The following ST6GALNAC5 variants were observed in gnomAD, a reference collection of about 807,000 sequenced individuals.
The protein encoded by ST6GALNAC5 is alpha-N-acetylgalactosaminide alpha-2,6-sialyltransferase 5.
A neutral mutation model predicts 33.6 loss-of-function variants in ST6GALNAC5; 27 were observed. That is an observed-to-expected ratio of 0.80 (90% CI 0.59 to 1.11). The LOEUF (loss-of-function observed/expected upper bound fraction) is 1.11, where lower values mean the gene tolerates loss of function less well. Ranked by LOEUF, ST6GALNAC5 falls within the 50% of genes least tolerant of loss-of-function variation. The pLI is 0.00. For missense variants in ST6GALNAC5, 428 were observed against 454.0 expected, an observed-to-expected ratio of 0.94 and a Z score of 0.52; for synonymous variants, 194 against 171.2, an observed-to-expected ratio of 1.13 and a Z score of -1.04.
chr1:76,936,562 T>G (rs1400132236), intron 2 of ST6GALNAC5, among the ~76,000 whole-genome samples: 1 of 152,036 alleles, frequency 6.6e-6, no homozygotes, highest in East Asian at 1.9e-4. Context: ...CAGAAGGACA[T>G]TCTTTCTTTG....
intron 2 of ST6GALNAC5, among the ~76,000 whole-genome samples, chr1:76,869,862 G>A (rs1206459315): frequency 6.6e-6 from 1 of 152,192 alleles, no homozygotes; most frequent in Admixed American, 6.5e-5. Context: ...CATGAAATGT[G>A]TGTAGATGGA....
chr1:76,940,832 G>A (rs944823286), intron 2 of ST6GALNAC5, among the ~76,000 whole-genome samples: 2 of 152,066 alleles, frequency 1.3e-5, no homozygotes, highest in African/African-American at 2.4e-5. Flanking sequence ...TGCCTTCTCT[G>A]TCTCACCACC....
intron 2 of ST6GALNAC5, among the ~76,000 whole-genome samples, chr1:77,001,081 C>G (rs6683527): frequency 0.72 from 109,382 of 151,750 alleles, 40,005 homozygotes; most frequent in East Asian, 0.93. Context: ...GTTACCTTGG[C>G]CAGTATGGTC....
At chr1:77,025,181 G>A (rs4949765) in intron 2 of ST6GALNAC5, among the ~76,000 whole-genome samples, 260 of 152,242 alleles carry the variant, frequency 1.7e-3, no homozygotes, top group South Asian at 3.1e-3. Context: ...ACATTCTTAC[G>A]CGTGGACACA....
At chr1:76,878,665 G>A (rs1653705766) in intron 2 of ST6GALNAC5, among the ~76,000 whole-genome samples, 1 of 152,148 alleles carries the variant, frequency 6.6e-6, no homozygotes, top group South Asian at 2.1e-4. Flanking sequence ...TTCATTCAAG[G>A]CGTTCTGGGT....
chr1:77,057,392 T>C (rs555919721), intron 4 of ST6GALNAC5, among the ~76,000 whole-genome samples: 1 of 152,220 alleles, frequency 6.6e-6, no homozygotes, highest in Admixed American at 6.5e-5. Flanking sequence ...TTAATATAAA[T>C]TTTACGTGAC....
intron 2 of ST6GALNAC5, among the ~76,000 whole-genome samples, chr1:76,899,850 G>C (rs1646799217): frequency 6.6e-6 from 1 of 152,196 alleles, no homozygotes; most frequent in Non-Finnish European, 1.5e-5. Context: ...TTGGTGAGAT[G>C]TTCCTTGGGC....
At chr1:76,889,674 G>A (rs187041156) in intron 2 of ST6GALNAC5, among the ~76,000 whole-genome samples, 26 of 151,862 alleles carry the variant, frequency 1.7e-4, no homozygotes, top group East Asian at 7.7e-4. Context: ...TGTTCTCTTC[G>A]TAATGTTTTA....
At chr1:76,975,784 T>C (rs1315198615) in intron 2 of ST6GALNAC5, among the ~76,000 whole-genome samples, 1 of 152,076 alleles carries the variant, frequency 6.6e-6, no homozygotes, top group African/African-American at 2.4e-5. Context: ...GTCAAAATAT[T>C]AGTTACCTTT....
At chr1:77,007,442 T>C (rs1483784618) in intron 2 of ST6GALNAC5, among the ~76,000 whole-genome samples, 1 of 152,212 alleles carries the variant, frequency 6.6e-6, no homozygotes, top group Non-Finnish European at 1.5e-5. Context: ...ATTGACAAAA[T>C]AGTCCAAGTT....
rs1189414838 is a variant in ST6GALNAC5 at position 77,063,143 on chromosome 1, T to G, written c.948T>G (p.Phe316Leu). The change falls in exon 5 of 5, where the codon TTT (phenylalanine) becomes TTG (leucine). Residue 316 changes from phenylalanine to leucine, a missense_variant. Phe to Leu is a conservative substitution (Grantham distance 22). Coordinates refer to ENST00000477717, the MANE Select transcript of ST6GALNAC5 (RefSeq NM_030965.3). The part of the protein sequence containing the change: ...NWARTFNIHF[F>L]QPDWKPESLA... ...CACGGACATTCAATATTCACTTTTT[T>G]CAACCAGACTGGAAACCAGAATCAC... 3.7e-6 allele frequency: 6 copies of G among 1,613,732 alleles called. No individual in the cohort carries two copies. The highest frequency in any genetic ancestry group is 2.5e-6 in the Non-Finnish European group (3 of 1,179,854).
intron 2 of ST6GALNAC5, among the ~76,000 whole-genome samples, chr1:77,029,062 A>C (rs1651354171): frequency 6.6e-6 from 1 of 152,160 alleles, no homozygotes; most frequent in South Asian, 2.1e-4. Flanking sequence ...GATCAGTGGA[A>C]AATAAGCTAT....
intron 2 of ST6GALNAC5, among the ~76,000 whole-genome samples, chr1:76,872,703 A>C (rs1653538190): frequency 6.6e-6 from 1 of 152,214 alleles, no homozygotes; most frequent in Non-Finnish European, 1.5e-5. Flanking sequence ...AGTTTACATA[A>C]TTTATTTGAC....
chr1:76,915,356 G>T (rs1570668756), intron 2 of ST6GALNAC5, among the ~76,000 whole-genome samples: 4 of 152,124 alleles, frequency 2.6e-5, no homozygotes, highest in Admixed American at 2.6e-4. Flanking sequence ...TATACCCAAA[G>T]GACTATAAAT....
intron 2 of ST6GALNAC5, among the ~76,000 whole-genome samples, chr1:76,878,114 T>A (rs1653689785): frequency 6.6e-6 from 1 of 152,206 alleles, no homozygotes; most frequent in Non-Finnish European, 1.5e-5. Context: ...TCACCACCTC[T>A]GCATCTTTCA....
At chr1:76,891,006 AT>A (rs1431614459) in intron 2 of ST6GALNAC5, among the ~76,000 whole-genome samples, 1 of 152,326 alleles carries the variant, frequency 6.6e-6, no homozygotes, top group East Asian at 1.9e-4. Flanking sequence ...TGTAGTAATT[AT>A]TCATCATGTA....
At chr1:77,004,780 G>T (rs1236151525) in intron 2 of ST6GALNAC5, among the ~76,000 whole-genome samples, 1 of 128,706 alleles carries the variant, frequency 7.8e-6, no homozygotes, top group African/African-American at 2.5e-5. Flanking sequence ...CCTGCTGGAG[G>T]GGTGCCTCCC....
At chr1:77,055,107 T>C (rs1445486800) in intron 4 of ST6GALNAC5, among the ~76,000 whole-genome samples, 1 of 151,960 alleles carries the variant, frequency 6.6e-6, no homozygotes, top group Admixed American at 6.6e-5. Flanking sequence ...CAAATCTGAC[T>C]GTGAAGAGTC....
At chr1:76,916,519 G>C (rs1195545371) in intron 2 of ST6GALNAC5, among the ~76,000 whole-genome samples, 2 of 151,910 alleles carry the variant, frequency 1.3e-5, no homozygotes, top group Non-Finnish European at 2.9e-5. Flanking sequence ...TTTTGATGTA[G>C]GAATGTTTCT....
Sources: allele counts gnomAD v4.1 joint callset (sites outside exome capture counted in the v4.1 genomes callset), GRCh38; gene constraint gnomAD v4.1.1; transcripts MANE v1.5; gene names NCBI Gene and HGNC (gene_info 2026-07-23, HGNC 2026-07-21).